Variants in UPP2 observed in about 807,000 individuals in gnomAD.
UPP2 encodes uridine phosphorylase 2.
UPP2 carries 23 observed loss-of-function variants against 26.7 expected under a neutral mutation model. That is an observed-to-expected ratio of 0.86 (90% confidence interval 0.62 to 1.22). UPP2 has a LOEUF of 1.22. UPP2 is among the 50% of genes most tolerant of loss of function. The pLI, the probability that UPP2 is intolerant of heterozygous loss-of-function variation, is 0.00. For missense variants in UPP2, 387 were observed against 396.7 expected (o/e 0.98, Z 0.21); for synonymous variants, 127 against 141.3 (o/e 0.90, Z 0.72).
chr2:158,030,474 T>C (rs1179417856), intron 3 of UPP2, among the ~76,000 whole-genome samples: 1 of 152,204 alleles, frequency 6.6e-6, no homozygotes, highest in Non-Finnish European at 1.5e-5. Flanking sequence ...AATCACCATA[T>C]AGATTTCTGT....
chr2:158,110,291 G>C lies in UPP2; in HGVS notation c.180+4075G>C, dbSNP rs1421562301. Among the ~76,000 whole-genome samples, 3 of 152,162 alleles carry C rather than the reference G, an allele frequency of 2.0e-5. No homozygotes were observed. In the East Asian group the frequency reaches 5.8e-4, roughly 29 times the overall value. On this transcript the variant is annotated intron_variant, in intron 2 of 6. Transcript: ENST00000005756. ...GTCCTTGTGATAGTTTGCTGAGAAT[G>C]ATGGTTTCCAGCTTCATCCCTGTCC...
intron 3 of UPP2, among the ~76,000 whole-genome samples, chr2:158,090,791 G>A (rs1403478188): frequency 1.3e-5 from 2 of 152,112 alleles, no homozygotes; most frequent in Non-Finnish European, 2.9e-5. Context: ...AATGAAGAAT[G>A]TAAGCTCATG....
intron 3 of UPP2, among the ~76,000 whole-genome samples, chr2:158,087,770 C>G (rs1294930050): frequency 6.6e-6 from 1 of 152,072 alleles, no homozygotes; most frequent in Non-Finnish European, 1.5e-5. Flanking sequence ...TCTCTGGATC[C>G]AAAATTCTTG....
At chr2:158,037,850 G>A (rs1280537304) in intron 3 of UPP2, among the ~76,000 whole-genome samples, 3 of 150,220 alleles carry the variant, frequency 2.0e-5, no homozygotes, top group Non-Finnish European at 3.0e-5. Flanking sequence ...TTTGGGGGGT[G>A]GGGGGAGATA....
Position 158,135,597 on chromosome 2 carries a change from G to A in UPP2, c.*707G>A, listed in dbSNP as rs1683915127. 6.6e-6 allele frequency: 1 copy of A among 152,024 alleles called. No homozygotes were observed. The highest frequency in any genetic ancestry group is 1.5e-5 in the Non-Finnish European group (1 of 67,986). 9.4% of individuals were successfully genotyped at this position (152,024 alleles called of 1,614,324 possible). ...AATTGCCTTCTAGCCATTTTTTCTTGTAAAAAAAGTGTTTTGAGGAGGCTG... is the reference window on the plus strand; with the variant it reads ...AATTGCCTTCTAGCCATTTTTTCTTATAAAAAAAGTGTTTTGAGGAGGCTG... On this transcript the variant is annotated 3_prime_UTR_variant, in exon 7 of 7. Coordinates refer to ENST00000005756, the MANE Select transcript of UPP2 (RefSeq NM_173355.4).
At chr2:158,037,404 G>C (rs947660853) in intron 3 of UPP2, among the ~76,000 whole-genome samples, 1 of 151,914 alleles carries the variant, frequency 6.6e-6, no homozygotes, top group Non-Finnish European at 1.5e-5. Context: ...AAATCCTTTT[G>C]GGGGGATATA....
chr2:158,075,738 G>A (rs1468489377), intron 3 of UPP2, among the ~76,000 whole-genome samples: 1 of 151,348 alleles, frequency 6.6e-6, no homozygotes, highest in Non-Finnish European at 1.5e-5. Context: ...CAGAAAAGAA[G>A]AAAATATTCA....
At chr2:158,047,768 A>G (rs1684177158) in intron 3 of UPP2, among the ~76,000 whole-genome samples, 1 of 152,222 alleles carries the variant, frequency 6.6e-6, no homozygotes, top group Admixed American at 6.5e-5. Context: ...ACAGTGGCTC[A>G]TTCATTCATT....
intron 3 of UPP2, among the ~76,000 whole-genome samples, chr2:158,037,516 C>T (rs1342147547): frequency 6.6e-6 from 1 of 152,062 alleles, no homozygotes; most frequent in Non-Finnish European, 1.5e-5. Flanking sequence ...GTCCAAAATC[C>T]AAGTGTCAGC....
chr2:158,124,054 G>T (rs1046506840), intron 6 of UPP2, among the ~76,000 whole-genome samples, 159 bp downstream of exon 6: 18 of 152,146 alleles, frequency 1.2e-4, no homozygotes, highest in Admixed American at 9.2e-4. Context: ...TATCTTGTGA[G>T]TGGCCAGGAC....
At chr2:158,036,698 G>A (rs1267382662) in intron 3 of UPP2, among the ~76,000 whole-genome samples, 2 of 152,190 alleles carry the variant, frequency 1.3e-5, no homozygotes, top group African/African-American at 4.8e-5. Context: ...AATGTTTATG[G>A]AAAGGCAGGT....
intron 1 of UPP2, among the ~76,000 whole-genome samples, chr2:158,104,011 A>G (rs542063911): frequency 6.6e-6 from 1 of 152,318 alleles, no homozygotes; most frequent in African/African-American, 2.4e-5. Context: ...ATAACTCTAG[A>G]TGTTTTTGAG....
intron 3 of UPP2, among the ~76,000 whole-genome samples, chr2:158,041,122 C>T (rs569501236): frequency 6.6e-6 from 1 of 152,214 alleles, no homozygotes; most frequent in East Asian, 1.9e-4. Flanking sequence ...CACAGATGGT[C>T]CTCAATATCC....
intron 3 of UPP2, among the ~76,000 whole-genome samples, chr2:158,044,335 C>T (rs1341109644): frequency 6.6e-6 from 1 of 151,932 alleles, no homozygotes; most frequent in Admixed American, 6.6e-5. Flanking sequence ...GGGCAGAACC[C>T]GAGAACTGCA....
chr2:158,034,338 T>C (rs1386115874), intron 3 of UPP2, among the ~76,000 whole-genome samples: 4 of 152,164 alleles, frequency 2.6e-5, no homozygotes, highest in African/African-American at 7.2e-5. Context: ...TCTGTTCCTC[T>C]TCCAGTGCAG....
At chr2:158,036,244 A>C (rs1467457542) in intron 3 of UPP2, among the ~76,000 whole-genome samples, 1 of 152,226 alleles carries the variant, frequency 6.6e-6, no homozygotes, top group Non-Finnish European at 1.5e-5. Flanking sequence ...TTCTGTTATT[A>C]AAGTTATATT....
intron 3 of UPP2, among the ~76,000 whole-genome samples, chr2:158,047,444 T>C (rs1206144046): frequency 6.6e-6 from 1 of 152,210 alleles, no homozygotes; most frequent in Non-Finnish European, 1.5e-5. Flanking sequence ...AGTTTATGTG[T>C]CAGTGGCAAG....
rs73968534 is a variant in UPP2, at chr2:158,023,233, G to C, written c.147+7347G>C. On this transcript the variant is annotated intron_variant, in intron 3 of 9. Coordinates refer to the UPP2 transcript ENST00000605860. ...AGGTCATGGGGTTGCTGTCAGTTGG[G>C]GGGGGGCATTTGGAAGGCTTTCAGT... Among the ~76,000 whole-genome samples, 149 of 146,516 alleles carry C rather than the reference G, an allele frequency of 1.0e-3. 6 individuals carry two copies. Among genetic ancestry groups the C allele is most frequent in the African/African-American group, 3.5e-3 (142 of 40,404 alleles).
chr2:158,124,020 T>C, intron 6 of UPP2, 125 bp downstream of exon 6: 1 of 990,530 alleles, frequency 1.0e-6, no homozygotes, highest in Non-Finnish European at 1.5e-6. Context: ...CTTATAATTG[T>C]ATATAATATA....
Sources: allele counts gnomAD v4.1 joint callset (sites outside exome capture counted in the v4.1 genomes callset), GRCh38; gene constraint gnomAD v4.1.1; transcripts MANE v1.5; gene names NCBI Gene and HGNC (gene_info 2026-07-23, HGNC 2026-07-21).